The following CSMD2 variants were observed in gnomAD, a reference collection of about 807,000 sequenced individuals.
The protein encoded by CSMD2 is CUB and Sushi multiple domains 2.
A neutral mutation model predicts 398.5 loss-of-function variants in CSMD2; 130 were observed. That is an observed-to-expected ratio of 0.33 (90% confidence interval 0.28 to 0.38). The LOEUF (loss-of-function observed/expected upper bound fraction) is 0.38. Ranked by LOEUF, CSMD2 falls within the 10% of genes least tolerant of loss-of-function variation. CSMD2 has a pLI of 1.00. For synonymous variants in CSMD2, 1,828 were observed against 1,908.5 expected, an observed-to-expected ratio of 0.96 and a Z score of 1.10; for missense variants, 3,829 against 4,764.9, an observed-to-expected ratio of 0.80 and a Z score of 5.78.
chr1:33,884,279 C>T (rs931925717), intron 5 of CSMD2, among the ~76,000 whole-genome samples: 2 of 151,950 alleles, frequency 1.3e-5, no homozygotes, highest in African/African-American at 4.8e-5. Context: ...ACCTTTACTC[C>T]TCCCCAAAAC....
At chr1:34,162,950 C>A (rs1360235358) in intron 1 of CSMD2, among the ~76,000 whole-genome samples, 1 of 152,170 alleles carries the variant, frequency 6.6e-6, no homozygotes, top group Admixed American at 6.5e-5. Context: ...GGAACTACCC[C>A]AAGCCATGAA....
intron 6 of CSMD2, among the ~76,000 whole-genome samples, chr1:33,840,655 G>C (rs538909374): frequency 6.6e-6 from 1 of 152,256 alleles, no homozygotes; most frequent in Non-Finnish European, 1.5e-5. Context: ...AAAAGGAGTG[G>C]GTTACGCTTG....
At chr1:34,114,293 C>A (rs960827474) in intron 1 of CSMD2, among the ~76,000 whole-genome samples, 1 of 126,994 alleles carries the variant, frequency 7.9e-6, no homozygotes, top group Non-Finnish European at 1.7e-5. Context: ...GGGAGAACTC[C>A]TTTGTTGTTG....
chr1:33,818,452 C>A (rs1657725111), intron 9 of CSMD2, among the ~76,000 whole-genome samples: 1 of 152,152 alleles, frequency 6.6e-6, no homozygotes, highest in African/African-American at 2.4e-5. Context: ...CTTACACATT[C>A]ACAACTCCAT....
At chr1:33,627,417 G>C (rs1402621328) in intron 32 of CSMD2, among the ~76,000 whole-genome samples, 1 of 152,168 alleles carries the variant, frequency 6.6e-6, no homozygotes, top group Non-Finnish European at 1.5e-5. Flanking sequence ...GGAGGCAGCA[G>C]CATGGCCACT....
intron 60 of CSMD2, among the ~76,000 whole-genome samples, chr1:33,539,103 G>T (rs1216934253): frequency 6.6e-6 from 1 of 152,138 alleles, no homozygotes; most frequent in Non-Finnish European, 1.5e-5. Context: ...GAGTAGGTGG[G>T]ACTACAGGCG....
At position 33,617,479 on chromosome 1, in the gene CSMD2, T is replaced by C. The variant is rs1185147152; in HGVS notation, c.5946+20A>G. 2.5e-6 allele frequency: 4 copies of C among 1,569,966 alleles called. No homozygotes were observed. Among genetic ancestry groups the C allele is most frequent in the African/African-American group, 1.3e-5 (1 of 74,206 alleles). ...CTCAGGGGACACCTGTTTCCTGCTCTAGGGTGTCAGGGGAGGTACCTGGAG... is the reference window on the plus strand; with the variant it reads ...CTCAGGGGACACCTGTTTCCTGCTCCAGGGTGTCAGGGGAGGTACCTGGAG... On this transcript the variant is annotated intron_variant, in intron 38 of 70. Transcript: ENST00000373381.
At chr1:34,004,457 G>GTT (rs34932774) in intron 3 of CSMD2, among the ~76,000 whole-genome samples, 4 of 151,708 alleles carry the variant, frequency 2.6e-5, no homozygotes, top group African/African-American at 7.2e-5. Context: ...AGTAATCAAG[G>GTT]TTTTTTTTTG....
intron 5 of CSMD2, among the ~76,000 whole-genome samples, chr1:33,859,474 C>T (rs776876310): frequency 6.6e-6 from 1 of 152,226 alleles, no homozygotes; most frequent in South Asian, 2.1e-4. Context: ...ATCAGGCCCA[C>T]CTGATAATCC....
chr1:34,093,327 T>C (rs1658874280), intron 1 of CSMD2, among the ~76,000 whole-genome samples: 1 of 151,952 alleles, frequency 6.6e-6, no homozygotes. Context: ...ACAGAAAAAC[T>C]GGAAACTCTA....
intron 3 of CSMD2, among the ~76,000 whole-genome samples, chr1:34,031,628 T>G (rs1215953587): frequency 6.6e-6 from 1 of 152,070 alleles, no homozygotes; most frequent in Non-Finnish European, 1.5e-5. Flanking sequence ...GGTGGTTTTT[T>G]GCTAAGGAGG....
rs1473543775 is a variant in CSMD2, at chr1:33,518,080, G to A, written c.*53+1385C>T. The stretch of plus-strand genomic sequence containing the variant: ...GGGTTTGGCTGGTGGCCCACTTGGC[G>A]GATTTTCCACCGCCCTCACTGGGAA... On this transcript the variant is annotated intron_variant, in intron 70 of 70. Transcript: ENST00000373381. This position sits in a 1 kb window ranked among gnomAD's most constrained non-coding sequence, Gnocchi z 4.3. Among the ~76,000 whole-genome samples the A allele has an allele frequency of 1.3e-5, 2 of 152,258 alleles. No homozygotes were observed. Among genetic ancestry groups the A allele is most frequent in the African/African-American group, 2.4e-5 (1 of 41,470 alleles).
At chr1:33,991,589 G>T (rs1175023653) in intron 3 of CSMD2, among the ~76,000 whole-genome samples, 4 of 152,126 alleles carry the variant, frequency 2.6e-5, no homozygotes, top group Non-Finnish European at 5.9e-5. Context: ...CTTACTCCAG[G>T]AGTGCATGCA....
At chr1:34,089,249 T>C in intron 1 of CSMD2, 56 bp from the exon 2 acceptor site, 1 of 1,409,512 alleles carries the variant, frequency 7.1e-7, no homozygotes, top group South Asian at 1.2e-5. Context: ...TAGAAGCTTC[T>C]AGAGAGTCAG....
intron 5 of CSMD2, among the ~76,000 whole-genome samples, chr1:33,868,611 C>G (rs1002982726): frequency 1.3e-5 from 2 of 152,136 alleles, no homozygotes; most frequent in African/African-American, 4.8e-5. Context: ...TGGCACGTGC[C>G]TGTAATCTCA....
intron 1 of CSMD2, among the ~76,000 whole-genome samples, chr1:34,132,898 G>A (rs1420972267): frequency 6.6e-6 from 1 of 151,382 alleles, no homozygotes; most frequent in African/African-American, 2.4e-5. Context: ...GGGCTTTTCA[G>A]CCTTCATAAT....
At chr1:34,123,248 CTTAA>C (rs1323651552) in intron 1 of CSMD2, among the ~76,000 whole-genome samples, 5 of 152,152 alleles carry the variant, frequency 3.3e-5, no homozygotes, top group African/African-American at 1.2e-4. Flanking sequence ...TGGCCAATGG[CTTAA>C]TTAATCATGC....
intron 2 of CSMD2, among the ~76,000 whole-genome samples, chr1:34,085,639 G>T (rs186848711): frequency 1.4e-3 from 216 of 152,242 alleles, no homozygotes; most frequent in Non-Finnish European, 8.5e-4. Context: ...GGTTTAGGGG[G>T]AAAAGAGCTG....
chr1:33,612,840 C>T (rs1179387076), intron 40 of CSMD2, among the ~76,000 whole-genome samples: 1 of 79,750 alleles, frequency 1.3e-5, no homozygotes, highest in South Asian at 6.0e-4. Context: ...CGCCACCAGG[C>T]CCAGCTAATT....
Sources: allele counts gnomAD v4.1 joint callset (sites outside exome capture counted in the v4.1 genomes callset), GRCh38; gene constraint gnomAD v4.1.1; non-coding constraint Gnocchi (gnomAD v3.1); transcripts MANE v1.5; gene names NCBI Gene and HGNC (gene_info 2026-07-23, HGNC 2026-07-21).